The following DKK2 variants were observed in gnomAD, a reference collection of about 807,000 sequenced individuals.
The protein encoded by DKK2 is dickkopf-related protein 2.
Under a neutral mutation model 28.1 loss-of-function variants are expected in DKK2, and 11 were observed. The ratio of observed to expected loss-of-function variants is 0.39; its 90% CI spans 0.25 to 0.65. The LOEUF is 0.65. DKK2 is among the 30% of genes least tolerant of loss of function. The pLI, the probability that DKK2 is intolerant of heterozygous loss-of-function variation, is 0.47. For synonymous variants in DKK2, 135 were observed against 126.5 expected (o/e 1.07, Z -0.45); for missense variants, 326 against 335.5 (o/e 0.97, Z 0.22).
intron 1 of DKK2, among the ~76,000 whole-genome samples, chr4:106,963,862 T>C (rs1402028843): frequency 6.6e-6 from 1 of 152,170 alleles, no homozygotes; most frequent in African/African-American, 2.4e-5. Flanking sequence ...TAGATTTTAT[T>C]TCTTCTAACT....
At chr4:107,023,652 A>G (rs1407704498) in intron 1 of DKK2, among the ~76,000 whole-genome samples, 2 of 152,150 alleles carry the variant, frequency 1.3e-5, no homozygotes, top group Admixed American at 1.3e-4. Flanking sequence ...TAATGTATCA[A>G]CATTGACTCA....
intron 1 of DKK2, among the ~76,000 whole-genome samples, chr4:106,989,161 G>A (rs1293483689): frequency 6.6e-6 from 1 of 152,192 alleles, no homozygotes; most frequent in African/African-American, 2.4e-5. Context: ...GTCTGAGGAA[G>A]AAGCCATGCT....
chr4:106,959,317 A>ATAAG (rs1372948227), intron 1 of DKK2, among the ~76,000 whole-genome samples: 2 of 152,300 alleles, frequency 1.3e-5, no homozygotes, highest in African/African-American at 4.8e-5. Flanking sequence ...ATTGCCTTAT[A>ATAAG]TAAGTTTATG....
chr4:106,980,304 T>C (rs1472250623), intron 1 of DKK2, among the ~76,000 whole-genome samples: 1 of 152,102 alleles, frequency 6.6e-6, no homozygotes, highest in Non-Finnish European at 1.5e-5. Flanking sequence ...TAGATATCTA[T>C]GTGTATGTAC....
chr4:107,006,023 A>C (rs183884818), intron 1 of DKK2, among the ~76,000 whole-genome samples: 11 of 152,350 alleles, frequency 7.2e-5, no homozygotes, highest in Admixed American at 1.3e-4. Flanking sequence ...AGAGACTTAA[A>C]GTAAATAGCA....
At chr4:106,969,721 A>T (rs1211127420) in intron 1 of DKK2, among the ~76,000 whole-genome samples, 1 of 151,924 alleles carries the variant, frequency 6.6e-6, no homozygotes, top group Non-Finnish European at 1.5e-5. Flanking sequence ...GGACCAAAAA[A>T]CTCTTTGGAA....
At position 106,969,464 on chromosome 4, in the gene DKK2, A is replaced by G. The variant is rs111763445; in HGVS notation, c.223-43515T>C. 1.5e-3 allele frequency among the ~76,000 whole-genome samples: 225 copies of G among 151,846 alleles called. 2 individuals are homozygous for G. Among genetic ancestry groups the G allele is most frequent in the African/African-American group, 5.1e-3 (211 of 41,512 alleles). Reference sequence around the variant, plus strand: ...CCCCATGCTGACTCCACAGTTAAACAGAAAAAAAAATTTACTCTGAAAATT... The same window carrying G: ...CCCCATGCTGACTCCACAGTTAAACGGAAAAAAAAATTTACTCTGAAAATT... On this transcript the variant is annotated intron_variant, in intron 1 of 3. Transcript: ENST00000285311.
intron 1 of DKK2, among the ~76,000 whole-genome samples, chr4:107,007,499 C>T (rs377217853): frequency 1.6e-4 from 24 of 152,130 alleles, no homozygotes; most frequent in African/African-American, 5.1e-4. Flanking sequence ...TGAATAAAAA[C>T]ACTACAAAAT....
intron 1 of DKK2, among the ~76,000 whole-genome samples, chr4:106,991,655 G>T (rs923942883): frequency 5.9e-5 from 9 of 152,108 alleles, no homozygotes; most frequent in Non-Finnish European, 2.9e-5. Flanking sequence ...ATTTGCCACA[G>T]TGTTTTCGTT....
chr4:107,011,204 T>A (rs535676030), intron 1 of DKK2, among the ~76,000 whole-genome samples: 27 of 151,706 alleles, frequency 1.8e-4, no homozygotes, highest in African/African-American at 6.3e-4. Context: ...CAATATGGAA[T>A]CTGAAACCAT....
At chr4:106,983,254 T>C (rs1723053310) in intron 1 of DKK2, among the ~76,000 whole-genome samples, 2 of 147,090 alleles carry the variant, frequency 1.4e-5, no homozygotes, top group South Asian at 4.3e-4. Flanking sequence ...AATAACATAT[T>C]TTATGATTCT....
chr4:107,022,108 G>A (rs1313827425), intron 1 of DKK2, among the ~76,000 whole-genome samples: 1 of 151,824 alleles, frequency 6.6e-6, no homozygotes, highest in Non-Finnish European at 1.5e-5. Flanking sequence ...TTCACCCTTG[G>A]AAATCTTTAT....
intron 1 of DKK2, among the ~76,000 whole-genome samples, chr4:106,945,480 T>C (rs1378114958): frequency 6.6e-6 from 1 of 152,132 alleles, no homozygotes; most frequent in Non-Finnish European, 1.5e-5. Flanking sequence ...CATCTGTACA[T>C]AGAGCTTTTT....
intron 1 of DKK2, among the ~76,000 whole-genome samples, chr4:106,982,080 T>A (rs1348674724): frequency 6.6e-6 from 1 of 152,162 alleles, no homozygotes; most frequent in Admixed American, 6.5e-5. Flanking sequence ...ACAGAACAAA[T>A]ATTTTAAGAT....
chr4:106,998,296 C>T (rs1723304546), intron 1 of DKK2, among the ~76,000 whole-genome samples: 1 of 152,042 alleles, frequency 6.6e-6, no homozygotes, highest in African/African-American at 2.4e-5. Context: ...TCAATCTGGC[C>T]CCAAAACAAG....
intron 1 of DKK2, among the ~76,000 whole-genome samples, chr4:106,966,894 C>A (rs74519264): frequency 0.025 from 3,799 of 152,192 alleles, 60 homozygotes; most frequent in Non-Finnish European, 0.037. Context: ...CTTCCCACAA[C>A]AAGTGGGAAT....
chr4:106,957,226 TG>T (rs1264729371), intron 1 of DKK2, among the ~76,000 whole-genome samples: 2 of 151,440 alleles, frequency 1.3e-5, no homozygotes, highest in African/African-American at 4.8e-5. Flanking sequence ...CCAGTTAGAA[TG>T]GCAATCATTA....
At chr4:106,968,615 TTAA>T (rs1722818303) in intron 1 of DKK2, among the ~76,000 whole-genome samples, 2 of 58,696 alleles carry the variant, frequency 3.4e-5, no homozygotes. Flanking sequence ...ATATTTACTT[TTAA>T]GTAAAGTTTC....
At chr4:106,960,577 A>G (rs1051048093) in intron 1 of DKK2, among the ~76,000 whole-genome samples, 2 of 152,196 alleles carry the variant, frequency 1.3e-5, no homozygotes, top group African/African-American at 4.8e-5. Flanking sequence ...TTGAAATTAA[A>G]AGTTAAAACA....
Sources: gnomAD v4.1 joint callset for allele counts (sites outside exome capture counted in the v4.1 genomes callset) on GRCh38, gnomAD v4.1.1 for gene constraint, MANE v1.5 for transcripts, NCBI Gene and HGNC (gene_info 2026-07-23, HGNC 2026-07-21) for gene names.